NEK4: variants seen among roughly 807,000 people sequenced by gnomAD.
NEK4 encodes NIMA related kinase 4.
NEK4 carries 86 observed loss-of-function variants against 98.4 expected under a neutral mutation model. The ratio of observed to expected loss-of-function variants is 0.87; its 90% CI spans 0.73 to 1.05. The LOEUF (loss-of-function observed/expected upper bound fraction) is 1.05. NEK4 is among the 50% of genes least tolerant of loss of function. NEK4 has a pLI of 0.00. For synonymous variants in NEK4, 328 were observed against 342.2 expected, an observed-to-expected ratio of 0.96 and a Z score of 0.46; for missense variants, 898 against 950.3, an observed-to-expected ratio of 0.94 and a Z score of 0.72.
chr3:52,724,352 G>A (rs1483096690), intron 15 of NEK4, among the ~76,000 whole-genome samples: 3 of 151,984 alleles, frequency 2.0e-5, no homozygotes, highest in Admixed American at 6.6e-5. Context: ...GATTACCAAC[G>A]GGTTTTTTCA....
At chr3:52,752,925 T>C (rs1256503797) in intron 6 of NEK4, among the ~76,000 whole-genome samples, 5 of 43,178 alleles carry the variant, frequency 1.2e-4, no homozygotes, top group African/African-American at 4.6e-4. Flanking sequence ...AAAATATATA[T>C]ATATATATAC....
At chr3:52,765,365 C>A (rs184449247) in intron 4 of NEK4, among the ~76,000 whole-genome samples, 85 of 134,046 alleles carry the variant, frequency 6.3e-4, no homozygotes, top group Middle Eastern at 3.9e-3. Context: ...AAAAAAAAAA[C>A]AAAAAAAAAA....
chr3:52,756,664 T>A (rs1169719668), intron 6 of NEK4, among the ~76,000 whole-genome samples: 1 of 152,000 alleles, frequency 6.6e-6, no homozygotes, highest in Non-Finnish European at 1.5e-5. Context: ...GAAGAAGACA[T>A]AAGGCAAAGG....
chr3:52,759,643 G>T (rs370160862), intron 6 of NEK4, among the ~76,000 whole-genome samples: 1 of 152,094 alleles, frequency 6.6e-6, no homozygotes, highest in African/African-American at 2.4e-5. Flanking sequence ...ATGTCAAATG[G>T]TGCAGCCACT....
chr3:52,764,778 G>GCACACACACACA (rs56827006), intron 4 of NEK4, among the ~76,000 whole-genome samples: 1,969 of 145,088 alleles, frequency 0.014, 44 homozygotes, highest in African/African-American at 0.05. Flanking sequence ...ACACACACAT[G>GCACACACACACA]CACACACACA....
In NEK4 at chr3:52,711,807, C is replaced by G. The variant is rs763564376; in HGVS notation, c.2496G>C (p.Leu832Phe). Reference protein sequence around the residue: ...YTTYSVKARQLKFFEENMNF With the variant: ...YTTYSVKARQFKFFEENMNF ...AATTCATGTTTTCTTCAAAAAATTT[C>G]AACTGGCGAGCTTTCACACTGTAAG... The change falls in exon 16 of 16, where the codon TTG becomes TTC. Residue 832 changes from leucine (L) to phenylalanine (F), a missense_variant. Leu to Phe is a conservative substitution (Grantham distance 22). Transcript: ENST00000233027. 42 of 1,610,708 alleles carry G rather than the reference C, an allele frequency of 2.6e-5. No individual in the cohort carries two copies. Among genetic ancestry groups the G allele is most frequent in the Non-Finnish European group, 3.6e-5 (42 of 1,177,884 alleles).
At chr3:52,758,178 C>CAAAAAA (rs35117059) in intron 6 of NEK4, among the ~76,000 whole-genome samples, 123 of 62,686 alleles carry the variant, frequency 2.0e-3, no homozygotes, top group Non-Finnish European at 2.5e-3. Context: ...GACACCATCT[C>CAAAAAA]AAAAAAAAAA....
intron 15 of NEK4, among the ~76,000 whole-genome samples, chr3:52,721,735 CAAA>C (rs200229574): frequency 1.5e-4 from 12 of 78,224 alleles, no homozygotes; most frequent in African/African-American, 1.0e-4. Flanking sequence ...GACCCTGTCT[CAAA>C]AAAAAAAAAA....
chr3:52,726,113 G>C (rs1367107795), intron 15 of NEK4, among the ~76,000 whole-genome samples: 1 of 152,048 alleles, frequency 6.6e-6, no homozygotes, highest in Non-Finnish European at 1.5e-5. Context: ...AAGGTTACAA[G>C]AGACAAAAAA....
intron 6 of NEK4, chr3:52,753,568 C>T (rs190101202): frequency 7.2e-5 from 39 of 544,524 alleles, no homozygotes; most frequent in African/African-American, 6.8e-4. Flanking sequence ...TACATGGAAA[C>T]GATCTGAAGC....
intron 15 of NEK4, among the ~76,000 whole-genome samples, chr3:52,728,328 A>G (rs888709801): frequency 6.6e-6 from 1 of 152,200 alleles, no homozygotes; most frequent in African/African-American, 2.4e-5. Flanking sequence ...GAGAGCCAAA[A>G]CTGCGCCACT....
At position 52,766,318 on chromosome 3, in the gene NEK4, T is replaced by A; in HGVS notation, c.418A>T (p.Thr140Ser). Residue 140 changes from threonine to serine, a missense_variant, in exon 3 of 16, where the codon ACA becomes TCA. By Grantham distance (58) the Thr-to-Ser change is moderately conservative. Coordinates refer to ENST00000233027, the MANE Select transcript of NEK4 (RefSeq NM_003157.6). ...CCTACTTTGATGATGTTTGTTCTTG[T>A]TAGGAAGACATTTTGAGTTTTCAGA... Reference protein sequence around the residue: ...RDLKTQNVFLTRTNIIKVGDL... With the variant: ...RDLKTQNVFLSRTNIIKVGDL... The A allele has an allele frequency of 6.2e-7, 1 of 1,614,090 alleles. No individual in the cohort carries two copies.
At chr3:52,732,721 T>A in intron 15 of NEK4, 1 of 300,438 alleles carries the variant, frequency 3.3e-6, no homozygotes, top group Non-Finnish European at 6.9e-6. Flanking sequence ...TCTGGGAATC[T>A]GTCTTCCTGA....
chr3:52,759,428 GA>G (rs1698266060), intron 6 of NEK4, among the ~76,000 whole-genome samples: 1 of 151,606 alleles, frequency 6.6e-6, no homozygotes, highest in Non-Finnish European at 1.5e-5. Context: ...AGCTTTAGCA[GA>G]TATTTCTCCA....
At chr3:52,763,770 G>A (rs775306453) in intron 4 of NEK4, 146 bp from the exon 5 acceptor site, 3 of 555,806 alleles carry the variant, frequency 5.4e-6, no homozygotes, top group Non-Finnish European at 6.1e-6. Context: ...GAAGTGTACT[G>A]GTATCCCAGT....
At chr3:52,749,004 T>G (rs2154104837) in intron 8 of NEK4, among the ~76,000 whole-genome samples, 1 of 152,166 alleles carries the variant, frequency 6.6e-6, no homozygotes, top group Middle Eastern at 3.4e-3. Context: ...GGAGGATCAC[T>G]TGAGCCTAGG....
In NEK4 at chr3:52,737,583, C is replaced by T. The variant is rs1479177790; in HGVS notation, c.2433+3G>A. 4.3e-6 allele frequency: 7 copies of T among 1,613,758 alleles called. No individual in the cohort carries two copies. Among genetic ancestry groups the T allele is most frequent in the Non-Finnish European group, 8.5e-7 (1 of 1,179,758 alleles). On this transcript the variant is annotated splice_donor_region_variant and intron_variant, in intron 15 of 15. Transcript: ENST00000233027. ...ATCTTGATACAGTTAATGAGACACT[C>T]ACCTCTCTATCAAATTCATCCTCCT...
rs1220360074 is a variant in NEK4, at chr3:52,709,242, A to G, written c.*2535T>C. On this transcript the variant is annotated 3_prime_UTR_variant, in exon 16 of 16. Transcript: ENST00000233027. ...ACCAATGCCAAAAGAGTAACACATC[A>G]AAGTCTCTGAACTGTGGCCAAAGGT... 1 of 152,124 alleles carries G rather than the reference A, an allele frequency of 6.6e-6. No individual in the cohort carries two copies. Among genetic ancestry groups the G allele is most frequent in the East Asian group, 1.9e-4 (1 of 5,198 alleles). The allele number at this position is 152,124 out of a possible 1,614,324, so 9.4% of individuals were successfully genotyped here. A position where few individuals can be genotyped will look rare whatever the true frequency, so the allele number is the denominator to read the frequency against.
chr3:52,733,690 T>C (rs1448791953), intron 15 of NEK4: 17 of 448,744 alleles, frequency 3.8e-5, no homozygotes, highest in South Asian at 8.2e-5. Context: ...TTTACAAATA[T>C]AGTGAATGCG....
Sources: gnomAD v4.1 joint callset for allele counts (sites outside exome capture counted in the v4.1 genomes callset) on GRCh38, gnomAD v4.1.1 for gene constraint, MANE v1.5 for transcripts, NCBI Gene and HGNC (gene_info 2026-07-23, HGNC 2026-07-21) for gene names.